ZNF536: variants seen among roughly 807,000 people sequenced by gnomAD.
ZNF536 encodes the protein zinc finger protein 536.
In ZNF536, 13 loss-of-function variants were observed where a neutral mutation model predicts 84.5. The ratio of observed to expected loss-of-function variants is 0.15; its 90% CI spans 0.10 to 0.24. The LOEUF is 0.24. Among genes scored for constraint, ZNF536 ranks in the 10% least tolerant of loss-of-function variants. The pLI is 1.00. For synonymous variants in ZNF536, 811 were observed against 742.5 expected, an observed-to-expected ratio of 1.09 and a Z score of -1.50; for missense variants, 1,536 against 1,747.5, an observed-to-expected ratio of 0.88 and a Z score of 2.16.
chr19:30,388,922 C>T (rs552286018), intron 1 of ZNF536, among the ~76,000 whole-genome samples: 1 of 152,302 alleles, frequency 6.6e-6, no homozygotes, highest in Non-Finnish European at 1.5e-5. Context: ...GTGAGCTGAC[C>T]AACTGCAGAG....
chr19:30,517,152 C>T (rs957898279), intron 2 of ZNF536, among the ~76,000 whole-genome samples: 28 of 152,284 alleles, frequency 1.8e-4, no homozygotes, highest in South Asian at 6.2e-4. Context: ...GGTATCATAG[C>T]GAAGAATCAA....
intron 2 of ZNF536, among the ~76,000 whole-genome samples, chr19:30,318,241 C>T (rs1656783647): frequency 6.6e-6 from 1 of 152,140 alleles, no homozygotes; most frequent in Admixed American, 6.5e-5. Context: ...GTGCTGTGCC[C>T]AGAACTGTGT....
intron 1 of ZNF536, among the ~76,000 whole-genome samples, chr19:30,672,065 C>T (rs188785878): frequency 2.6e-5 from 4 of 152,360 alleles, no homozygotes; most frequent in African/African-American, 7.2e-5. Context: ...TTGGGTCACC[C>T]GATTCCCATC....
chr19:30,264,276 G>A (rs2025379187), intron 1 of ZNF536, among the ~76,000 whole-genome samples: 1 of 152,170 alleles, frequency 6.6e-6, no homozygotes, highest in African/African-American at 2.4e-5. Context: ...GCAGACATGT[G>A]AAGGGAAGAG....
chr19:30,327,550 C>A (rs2047079427), intron 2 of ZNF536, among the ~76,000 whole-genome samples: 1 of 152,246 alleles, frequency 6.6e-6, no homozygotes, highest in South Asian at 2.1e-4. Flanking sequence ...TGACAAAAGT[C>A]ACATGACATT....
At chr19:30,596,618 G>A (rs575483552) in intron 1 of ZNF536, among the ~76,000 whole-genome samples, 3 of 152,182 alleles carry the variant, frequency 2.0e-5, no homozygotes, top group African/African-American at 4.8e-5. Flanking sequence ...AGTTTGAACT[G>A]TTTTGCTGAA....
At position 30,417,299 on chromosome 19, in the gene ZNF536, G is replaced by A. The variant is rs138759015; in HGVS notation, c.-2-26262G>A. On this transcript the variant is annotated intron_variant, in intron 1 of 4. Coordinates refer to ENST00000355537, the MANE Select transcript of ZNF536 (RefSeq NM_014717.3). ...AGCATGAGCCACTGTGCCCGGCCCT[G>A]ATTTCATTTACTTTCCATCCTCAGG... Among the ~76,000 whole-genome samples the A allele has an allele frequency of 2.4e-3, 361 of 151,818 alleles. 2 individuals are homozygous for A. The highest frequency in any genetic ancestry group is 8.2e-3 in the African/African-American group (338 of 41,364).
Position 30,375,745 on chromosome 19 carries a change from A to G in ZNF536, c.-3+3189A>G, listed in dbSNP as rs962990968. Among the ~76,000 whole-genome samples, 9 of 152,144 alleles carry G rather than the reference A, an allele frequency of 5.9e-5. No individual in the cohort carries two copies. The South Asian group carries it at 6.2e-4, about 11-fold the overall frequency. ...CCCAAATAGATGCGTGTGTGATCAC[A>G]TGTTGTGTTCGTGTTTGCACCTCGT... On this transcript the variant is annotated intron_variant, in intron 1 of 4. Transcript: ENST00000355537.
At chr19:30,526,322 G>A (rs1220178706) in intron 2 of ZNF536, among the ~76,000 whole-genome samples, 3 of 152,244 alleles carry the variant, frequency 2.0e-5, no homozygotes, top group Non-Finnish European at 4.4e-5. Flanking sequence ...GCGGTCTGCG[G>A]ATGACAGGGG....
intron 1 of ZNF536, among the ~76,000 whole-genome samples, chr19:30,572,421 T>C (rs927384108): frequency 5.3e-5 from 8 of 152,124 alleles, no homozygotes; most frequent in Non-Finnish European, 1.2e-4. Context: ...TCTTGTGCTG[T>C]GTGGACGGCC....
At chr19:30,528,476 G>A (rs903160135) in intron 2 of ZNF536, among the ~76,000 whole-genome samples, 13 of 152,168 alleles carry the variant, frequency 8.5e-5, no homozygotes, top group Non-Finnish European at 1.5e-5. Context: ...TTCACCAGTA[G>A]AGGATTGACT....
chr19:30,374,871 G>C (rs1297658606), intron 1 of ZNF536, among the ~76,000 whole-genome samples: 1 of 151,536 alleles, frequency 6.6e-6, no homozygotes, highest in African/African-American at 2.4e-5. Context: ...CCCCCGCCCG[G>C]GCTGGGGCGC....
chr19:30,568,732 C>A (rs966976572), intron 1 of ZNF536, among the ~76,000 whole-genome samples: 1 of 152,136 alleles, frequency 6.6e-6, no homozygotes, highest in East Asian at 1.9e-4. Context: ...CTGGGGCAGC[C>A]GAGATGACAG....
At chr19:30,399,491 A>G (rs921210299) in intron 1 of ZNF536, among the ~76,000 whole-genome samples, 2 of 152,068 alleles carry the variant, frequency 1.3e-5, no homozygotes, top group African/African-American at 4.8e-5. Context: ...GTCTTTGCCC[A>G]TGCTTATGTC....
chr19:30,690,008 G>A (rs2051346312), intron 1 of ZNF536, among the ~76,000 whole-genome samples: 1 of 152,148 alleles, frequency 6.6e-6, no homozygotes, highest in South Asian at 2.1e-4. Context: ...CCACCACCCT[G>A]CCCCCTGATT....
chr19:30,527,657 T>A (rs1434786862), intron 2 of ZNF536, among the ~76,000 whole-genome samples: 1 of 151,768 alleles, frequency 6.6e-6, no homozygotes, highest in Non-Finnish European at 1.5e-5. Flanking sequence ...AAGAGTTAGG[T>A]AGAATTGTTT....
intron 2 of ZNF536, among the ~76,000 whole-genome samples, chr19:30,349,344 G>C (rs1208730365): frequency 6.6e-6 from 1 of 152,216 alleles, no homozygotes; most frequent in East Asian, 1.9e-4. Context: ...CTTGACCCCG[G>C]TGTGAATGTC....
chr19:30,392,002 G>A (rs1251841685), intron 1 of ZNF536, among the ~76,000 whole-genome samples: 2 of 152,124 alleles, frequency 1.3e-5, no homozygotes, highest in African/African-American at 4.8e-5. Flanking sequence ...GCCAAAAAAA[G>A]TGTATTTTAG....
intron 2 of ZNF536, among the ~76,000 whole-genome samples, chr19:30,334,260 C>A (rs1158320864): frequency 6.6e-6 from 1 of 152,132 alleles, no homozygotes; most frequent in Admixed American, 6.5e-5. Flanking sequence ...CCAAATTGGA[C>A]CCAAAGCTAT....
Sources: allele counts gnomAD v4.1 joint callset (sites outside exome capture counted in the v4.1 genomes callset), GRCh38; gene constraint gnomAD v4.1.1; transcripts MANE v1.5; gene names NCBI Gene and HGNC (gene_info 2026-07-23, HGNC 2026-07-21).